The following HMX1 variants were observed in gnomAD, a reference collection of about 807,000 sequenced individuals.
HMX1 encodes H6 family homeobox 1.
A neutral mutation model predicts 8.9 loss-of-function variants in HMX1; 8 were observed. That is an observed-to-expected ratio of 0.90 (90% confidence interval 0.53 to 1.63). The LOEUF is 1.63. Ranked by LOEUF, HMX1 falls within the 40% of genes most tolerant of loss-of-function variation. HMX1 has a pLI of 0.00. For synonymous variants in HMX1, 311 were observed against 283.4 expected, an observed-to-expected ratio of 1.10 and a Z score of -0.98; for missense variants, 621 against 558.5, an observed-to-expected ratio of 1.11 and a Z score of -1.13.
chr4:8,857,584 C>T (rs866086960), intron 1 of HMX1, among the ~76,000 whole-genome samples: 3 of 152,308 alleles, frequency 2.0e-5, no homozygotes, highest in South Asian at 4.1e-4. Context: ...ACCCCCCCGC[C>T]CCCCTGCCTG....
chr4:8,855,591 G>T (rs551540952), intron 1 of HMX1, among the ~76,000 whole-genome samples: 4 of 152,300 alleles, frequency 2.6e-5, no homozygotes, highest in African/African-American at 4.8e-5. Flanking sequence ...GGTCCAGAAG[G>T]TTCTCTCACC....
At chr4:8,869,927 C>G (rs192340134) in intron 1 of HMX1, among the ~76,000 whole-genome samples, 18 of 152,166 alleles carry the variant, frequency 1.2e-4, no homozygotes, top group Non-Finnish European at 2.5e-4. Flanking sequence ...TAGTCTCCCC[C>G]AGAAGGGCAC....
chr4:8,869,811 C>T lies in HMX1; in HGVS notation c.394+1410G>A, dbSNP rs561222017. On this transcript the variant is annotated intron_variant, in intron 1 of 1. Coordinates refer to ENST00000400677, the MANE Select transcript of HMX1 (RefSeq NM_018942.3). ...AAGTGGGACCCTAACCCGCATGGCA[C>T]GAAATAAGGGGGAGCCGCCTCTGCA... Among the ~76,000 whole-genome samples, 263 of 152,264 alleles carry T rather than the reference C, an allele frequency of 1.7e-3. 1 individual carries two copies. The highest frequency in any genetic ancestry group is 5.9e-3 in the African/African-American group (246 of 41,552).
rs998640735 is a variant in HMX1, at chr4:8,868,316, C to T, written c.424G>A (p.Glu142Lys). 8 of 1,433,720 alleles carry T rather than the reference C, an allele frequency of 5.6e-6. No individual in the cohort carries two copies. The African/African-American group carries it at 7.4e-5, about 13-fold the overall frequency. 88.8% of individuals were successfully genotyped at this position (1,433,720 alleles called of 1,614,324 possible). ...GCGCCCTCCGCACGGCCCATCTCCT[C>T]GCCCGTCTCCGGTGAGTCCCGGTCG... Reference protein sequence around the residue: ...TSDRDSPETGEEMGRAEGAWP... With the variant: ...TSDRDSPETGKEMGRAEGAWP... Residue 142 changes from glutamate (E) to lysine (K), a missense_variant, in exon 2 of 2, where the codon GAG (glutamate) becomes AAG (lysine). Transcript: ENST00000400677. The surrounding 1 kb of genome is among the most constrained non-coding windows in gnomAD (Gnocchi z 4.6).
In HMX1 at chr4:8,867,404, C is replaced by A; in HGVS notation, c.*289G>T. On this transcript the variant is annotated 3_prime_UTR_variant, in exon 2 of 2. Transcript: ENST00000400677. ...CATGGCCGACCGCTCCTCGCTGAGG[C>A]CGGGGGGTGGCCGTGGCGCCGGGGG... 9.3e-7 allele frequency: 1 copy of A among 1,075,114 alleles called. No homozygotes were observed. Among genetic ancestry groups the A allele is most frequent in the Non-Finnish European group, 1.1e-6 (1 of 888,730 alleles). 66.6% of individuals were successfully genotyped at this position (1,075,114 alleles called of 1,614,324 possible).
downstream of HMX1, among the ~76,000 whole-genome samples, chr4:8,865,519 C>T (rs1311096709): frequency 6.6e-6 from 1 of 151,944 alleles, no homozygotes; most frequent in Admixed American, 6.6e-5. Context: ...CCGGCTGTGC[C>T]CTGGCCCCTT....
chr4:8,853,925 AT>A lies in HMX1; in HGVS notation c.395-7602del, dbSNP rs1200713270. ...TGAGATCAGATAAAAATGTATGAGT[AT>A]TTTTAATCTTTTTATAAAGCTTTTT... On this transcript the variant is annotated intron_variant, in intron 1 of 1. Coordinates refer to the HMX1 transcript ENST00000506970. The surrounding 1 kb of genome is among the most constrained non-coding windows in gnomAD (Gnocchi z 4.7). Among the ~76,000 whole-genome samples the A allele has an allele frequency of 6.6e-6, 1 of 152,184 alleles. No homozygotes were observed. The highest frequency in any genetic ancestry group is 1.5e-5 in the Non-Finnish European group (1 of 68,026).
downstream of HMX1, among the ~76,000 whole-genome samples, chr4:8,863,096 C>T (rs982338183): frequency 3.3e-5 from 5 of 152,206 alleles, no homozygotes; most frequent in African/African-American, 1.2e-4. Context: ...CATGCCCACT[C>T]TGGCTACCAG....
intron 1 of HMX1, among the ~76,000 whole-genome samples, chr4:8,852,935 T>G (rs1392858254): frequency 6.6e-6 from 1 of 152,064 alleles, no homozygotes; most frequent in East Asian, 1.9e-4. Context: ...GAGCTGGTGC[T>G]TCAGCAGCCA....
rs958739859 is a variant in HMX1, at chr4:8,847,728, C to G, written c.395-1404G>C. On this transcript the variant is annotated intron_variant, in intron 1 of 1. Coordinates refer to the HMX1 transcript ENST00000506970. This position sits in a 1 kb window ranked among gnomAD's most constrained non-coding sequence, Gnocchi z 6.0. ...TTCCAGTATATGAGGCCTGCCTTGA[C>G]TATACTGCCTCCTTCATTATATCCT... is the stretch of plus-strand genomic sequence containing the variant. Among the ~76,000 whole-genome samples, 3 of 152,324 alleles carry G rather than the reference C, an allele frequency of 2.0e-5. No homozygotes were observed. Among genetic ancestry groups the G allele is most frequent in the African/African-American group, 4.8e-5 (2 of 41,576 alleles).
chr4:8,846,754 T>C (rs7293273), intron 1 of HMX1, among the ~76,000 whole-genome samples: 26,103 of 151,962 alleles, frequency 0.17, 3,556 homozygotes, highest in African/African-American at 0.38. Flanking sequence ...CTACTGGGCT[T>C]GTGAACGCCC....
downstream of HMX1, among the ~76,000 whole-genome samples, chr4:8,864,440 G>C (rs1272456605): frequency 6.6e-6 from 1 of 152,196 alleles, no homozygotes; most frequent in African/African-American, 2.4e-5. Context: ...ACCCGCGAGG[G>C]GGGAGGGTGC....
chr4:8,859,791 G>A (rs898039648), intron 1 of HMX1, among the ~76,000 whole-genome samples: 13 of 152,352 alleles, frequency 8.5e-5, no homozygotes, highest in Non-Finnish European at 1.8e-4. Flanking sequence ...CGTGGAACAA[G>A]GCGGGCAAAG....
At chr4:8,863,243 G>A (rs997493132), downstream of HMX1, among the ~76,000 whole-genome samples, 2 of 152,198 alleles carry the variant, frequency 1.3e-5, no homozygotes, top group Non-Finnish European at 2.9e-5. Context: ...CAGTGCCACC[G>A]TGCTCCAGAA....
At chr4:8,860,284 CTG>C (rs1406187530) in intron 1 of HMX1, among the ~76,000 whole-genome samples, 1 of 152,206 alleles carries the variant, frequency 6.6e-6, no homozygotes. Context: ...CGGGCACAGG[CTG>C]AGGGGACCGG....
chr4:8,850,525 C>T (rs1475316567), intron 1 of HMX1, among the ~76,000 whole-genome samples: 4 of 152,106 alleles, frequency 2.6e-5, no homozygotes, highest in Admixed American at 6.6e-5. Context: ...GCCTCTGCTG[C>T]CCTCCCTGGC....
chr4:8,867,093 A>T lies in HMX1; in HGVS notation c.*600T>A. ...ATTCCATACGCAAATAAGTAGATTC[A>T]TTTAAAAAAACAACAACCCGGAGGC... On this transcript the variant is annotated 3_prime_UTR_variant, in exon 2 of 2. Transcript: ENST00000400677. The T allele has an allele frequency of 1.0e-6, 1 of 985,456 alleles. No homozygotes were observed. The highest frequency in any genetic ancestry group is 1.2e-6 in the Non-Finnish European group (1 of 829,952). The allele number at this position is 985,456 out of a possible 1,614,324, so 61.0% of individuals were successfully genotyped here.
At chr4:8,861,595 C>G (rs955074539) in intron 1 of HMX1, among the ~76,000 whole-genome samples, 2 of 152,150 alleles carry the variant, frequency 1.3e-5, no homozygotes, top group African/African-American at 4.8e-5. Context: ...GACCGCGGAG[C>G]AGCGTAGGCG....
intron 1 of HMX1, chr4:8,860,861 A>AG (rs914675780): frequency 8.0e-5 from 12 of 150,542 alleles, no homozygotes; most frequent in African/African-American, 2.7e-4. Context: ...CGGGTAGGGG[A>AG]GGGGAGCGAG....
Sources: gnomAD v4.1 joint callset for allele counts (sites outside exome capture counted in the v4.1 genomes callset) on GRCh38, gnomAD v4.1.1 for gene constraint, Gnocchi (gnomAD v3.1) non-coding constraint, MANE v1.5 for transcripts, NCBI Gene and HGNC (gene_info 2026-07-23, HGNC 2026-07-21) for gene names.